LEKR1: variants seen among roughly 807,000 people sequenced by gnomAD.
LEKR1 encodes the protein protein LEKR1.
Under a neutral mutation model 72.4 loss-of-function variants are expected in LEKR1, and 59 were observed. That is an observed-to-expected ratio of 0.82 (90% CI 0.66 to 1.01). LEKR1 has a LOEUF of 1.01. Among genes scored for constraint, LEKR1 ranks in the 50% least tolerant of loss-of-function variants. The pLI, the probability that LEKR1 is intolerant of heterozygous loss-of-function variation, is 0.00. For missense variants in LEKR1, 728 were observed against 759.2 expected (o/e 0.96, Z 0.48); for synonymous variants, 257 against 263.2 (o/e 0.98, Z 0.23).
At chr3:157,036,293 G>A (rs1402203128) in intron 12 of LEKR1, among the ~76,000 whole-genome samples, 1 of 151,860 alleles carries the variant, frequency 6.6e-6, no homozygotes, top group Non-Finnish European at 1.5e-5. Context: ...AAAATATAAG[G>A]ACTGAAATTT....
At position 156,930,356 on chromosome 3, in the gene LEKR1, A is replaced by C. The variant is rs181516472; in HGVS notation, c.559+2752A>C. On this transcript the variant is annotated intron_variant, in intron 5 of 12. Coordinates refer to ENST00000356539, the MANE Select transcript of LEKR1 (RefSeq NM_001004316.3). The stretch of plus-strand genomic sequence containing the variant: ...TTTTCCTTTAAATTTTTTTTTAAAA[A>C]CTCACATGCTTATTTAAAGCAAGCA... 9.9e-5 allele frequency among the ~76,000 whole-genome samples: 15 copies of C among 152,206 alleles called. No homozygotes were observed. The East Asian group carries it at 2.7e-3, about 27-fold the overall frequency.
At chr3:156,956,517 GA>G (rs1443705254) in intron 6 of LEKR1, among the ~76,000 whole-genome samples, 4 of 151,792 alleles carry the variant, frequency 2.6e-5, no homozygotes, top group Admixed American at 1.3e-4. Flanking sequence ...TAACAATGGG[GA>G]AAAAGCAAAA....
At position 156,829,381 on chromosome 3, in the gene LEKR1, T is replaced by C. The variant is rs759320643; in HGVS notation, c.48+4T>C. ...GTTGCCTGAAGAAATCCAAAAGGTA[T>C]GATATATTGTGTTGCTACAGCCTAA... On this transcript the variant is annotated splice_donor_region_variant and intron_variant, in intron 2 of 12. Transcript: ENST00000356539. 45 of 1,529,542 alleles carry C rather than the reference T, an allele frequency of 2.9e-5. No individual in the cohort carries two copies. Among genetic ancestry groups the C allele is most frequent in the Non-Finnish European group, 3.9e-5 (45 of 1,141,780 alleles). 94.7% of individuals were successfully genotyped at this position (1,529,542 alleles called of 1,614,324 possible). A position where few individuals can be genotyped will look rare whatever the true frequency, so the allele number is the denominator to read the frequency against.
chr3:156,909,461 C>T (rs777417543), intron 3 of LEKR1, among the ~76,000 whole-genome samples: 1 of 152,014 alleles, frequency 6.6e-6, no homozygotes. Flanking sequence ...ATCATCCTGG[C>T]TAACACGGTG....
chr3:156,853,055 G>A, intron 3 of LEKR1, 73 bp downstream of exon 3: 1 of 1,030,342 alleles, frequency 9.7e-7, no homozygotes, highest in Non-Finnish European at 1.4e-6. Context: ...CACTTTGAAT[G>A]TTTTTCTAAA....
At chr3:157,022,962 C>A (rs146469470) in intron 10 of LEKR1, among the ~76,000 whole-genome samples, 1 of 152,292 alleles carries the variant, frequency 6.6e-6, no homozygotes, top group Non-Finnish European at 1.5e-5. Flanking sequence ...ATGCTTAGTC[C>A]TATACCCAGT....
rs182083888 is a variant in LEKR1 at position 156,902,308 on chromosome 3, T to C, written c.264-18267T>C. ...TAATATCACTTCATAAAATAACTTA[T>C]ATTAATTTTTAGGAATCAGTCTCTT... On this transcript the variant is annotated intron_variant, in intron 3 of 12. Transcript: ENST00000356539. Among the ~76,000 whole-genome samples the C allele has an allele frequency of 6.3e-3, 953 of 152,272 alleles. 11 individuals are homozygous for C. Among genetic ancestry groups the C allele is most frequent in the African/African-American group, 0.022 (912 of 41,546 alleles).
intron 3 of LEKR1, among the ~76,000 whole-genome samples, chr3:156,870,957 TTTATTA>T (rs1199327610): frequency 6.6e-6 from 1 of 151,880 alleles, no homozygotes; most frequent in Non-Finnish European, 1.5e-5. Context: ...CATTCTTTTT[TTTATTA>T]TTATTATTAT....
intron 4 of LEKR1, among the ~76,000 whole-genome samples, chr3:156,922,143 G>A (rs550089874): frequency 1.3e-5 from 2 of 152,130 alleles, no homozygotes; most frequent in African/African-American, 4.8e-5. Flanking sequence ...ATTACAGTTT[G>A]TAATAGATGA....
chr3:156,946,883 A>G (rs963769981), intron 6 of LEKR1, among the ~76,000 whole-genome samples: 1 of 151,336 alleles, frequency 6.6e-6, no homozygotes, highest in African/African-American at 2.4e-5. Flanking sequence ...ATTTATTGGC[A>G]TATAGTTGCT....
At chr3:156,889,297 G>A (rs1411699662) in intron 3 of LEKR1, among the ~76,000 whole-genome samples, 1 of 109,062 alleles carries the variant, frequency 9.2e-6, no homozygotes, top group African/African-American at 2.7e-5. Context: ...GTTTGTTGTT[G>A]CTGAAAAAAA....
intron 11 of LEKR1, among the ~76,000 whole-genome samples, chr3:157,026,159 C>T (rs531414091): frequency 6.6e-6 from 1 of 152,142 alleles, no homozygotes; most frequent in Non-Finnish European, 1.5e-5. Context: ...CTTGGCTCCC[C>T]CAAGGTTCTG....
chr3:156,876,916 G>C (rs535686557), intron 3 of LEKR1, among the ~76,000 whole-genome samples: 1 of 151,814 alleles, frequency 6.6e-6, no homozygotes, highest in South Asian at 2.1e-4. Flanking sequence ...CAAGGGTAAT[G>C]TTTTCAGCTT....
chr3:156,987,743 G>T (rs532971348), intron 7 of LEKR1, among the ~76,000 whole-genome samples: 27 of 152,222 alleles, frequency 1.8e-4, no homozygotes, highest in Admixed American at 3.3e-4. Context: ...GATAACATGG[G>T]GCTTTGGGGT....
At chr3:156,895,172 G>A (rs898930753) in intron 3 of LEKR1, among the ~76,000 whole-genome samples, 2 of 152,014 alleles carry the variant, frequency 1.3e-5, no homozygotes, top group Non-Finnish European at 2.9e-5. Context: ...AGTCTACAAG[G>A]AACTTAAACA....
intron 3 of LEKR1, among the ~76,000 whole-genome samples, chr3:156,911,742 C>G (rs1044332716): frequency 2.0e-5 from 3 of 152,048 alleles, no homozygotes; most frequent in Admixed American, 2.0e-4. Context: ...TATCTCAGCA[C>G]TATTTGTTAA....
At chr3:156,916,410 TTGTTCATGTCAGCTCTGCTTTC>T (rs1403434690) in intron 3 of LEKR1, among the ~76,000 whole-genome samples, 1 of 152,178 alleles carries the variant, frequency 6.6e-6, no homozygotes, top group Non-Finnish European at 1.5e-5. Context: ...GTTTTTCCAT[TTGTTCATGTCAGCTCTGCTTTC>T]TTTGACCAGT....
At chr3:156,876,473 C>A (rs574068449) in intron 3 of LEKR1, among the ~76,000 whole-genome samples, 1 of 151,994 alleles carries the variant, frequency 6.6e-6, no homozygotes, top group Non-Finnish European at 1.5e-5. Flanking sequence ...GGGTGTGTTT[C>A]CATTTGTGTT....
At chr3:157,017,524 C>T (rs557449805) in intron 10 of LEKR1, 1 of 152,338 alleles carries the variant, frequency 6.6e-6, no homozygotes, top group Middle Eastern at 3.4e-3. Flanking sequence ...GAACCACATT[C>T]TTCTGTAAAG....
Sources: allele counts gnomAD v4.1 joint callset (sites outside exome capture counted in the v4.1 genomes callset), GRCh38; gene constraint gnomAD v4.1.1; transcripts MANE v1.5; gene names NCBI Gene and HGNC (gene_info 2026-07-23, HGNC 2026-07-21).